Variants in ADAM10 observed in about 807,000 individuals in gnomAD.
ADAM10 encodes the protein disintegrin and metalloproteinase domain-containing protein 10.
ADAM10 carries 17 observed loss-of-function variants against 90.1 expected under a neutral mutation model. The observed-to-expected ratio is 0.19, with a 90% CI of 0.13 to 0.28. The LOEUF (loss-of-function observed/expected upper bound fraction) is 0.28, where lower values mean the gene tolerates loss of function less well. Among genes scored for constraint, ADAM10 ranks in the 10% least tolerant of loss-of-function variants. The pLI is 1.00. For synonymous variants in ADAM10, 310 were observed against 298.6 expected (o/e 1.04, Z -0.40); for missense variants, 610 against 914.3 (o/e 0.67, Z 4.29).
chr15:58,741,030 C>T (rs1385639070), intron 1 of ADAM10, among the ~76,000 whole-genome samples: 15 of 152,084 alleles, frequency 9.9e-5, no homozygotes, highest in Admixed American at 8.5e-4. Flanking sequence ...CCACTTAATT[C>T]CTAGGAAAAG....
chr15:58,644,374 C>G (rs184888782), intron 6 of ADAM10, among the ~76,000 whole-genome samples: 1 of 151,928 alleles, frequency 6.6e-6, no homozygotes, highest in Non-Finnish European at 1.5e-5. Context: ...GGATTACAGG[C>G]GCCTACCACC....
intron 2 of ADAM10, among the ~76,000 whole-genome samples, chr15:58,716,689 T>C (rs961938155): frequency 1.3e-5 from 2 of 152,196 alleles, no homozygotes; most frequent in South Asian, 4.1e-4. Context: ...AAAAGAAGTA[T>C]TTAGAGAAAA....
At position 58,596,644 on chromosome 15, in the gene ADAM10, T is replaced by C. The variant is rs529010095; in HGVS notation, c.*903A>G. 7.2e-5 allele frequency: 11 copies of C among 152,614 alleles called. No individual in the cohort carries two copies. The highest frequency in any genetic ancestry group is 2.6e-4 in the African/African-American group (11 of 41,588). The allele number at this position is 152,614 out of a possible 1,614,324, so 9.5% of individuals were successfully genotyped here. A position where few individuals can be genotyped will look rare whatever the true frequency, so the allele number is the denominator to read the frequency against. ...AGAATCATTTCATTGACATAATTTC[T>C]ATCAAAGCATGAATAAAATTTCACC... On this transcript the variant is annotated 3_prime_UTR_variant, in exon 16 of 16. Transcript: ENST00000260408.
chr15:58,706,348 C>T (rs1898288152), intron 2 of ADAM10, among the ~76,000 whole-genome samples: 1 of 152,092 alleles, frequency 6.6e-6, no homozygotes, highest in Non-Finnish European at 1.5e-5. Context: ...CTATGACAGG[C>T]CTGGGTTAGT....
At chr15:58,744,514 T>G in intron 1 of ADAM10, among the ~76,000 whole-genome samples, 1 of 152,142 alleles carries the variant, frequency 6.6e-6, no homozygotes, top group Non-Finnish European at 1.5e-5. Flanking sequence ...TCATCTAGAA[T>G]AAATTTAGAA....
intron 8 of ADAM10, among the ~76,000 whole-genome samples, chr15:58,640,471 T>A (rs1020375921): frequency 6.6e-6 from 1 of 152,196 alleles, no homozygotes; most frequent in Non-Finnish European, 1.5e-5. Flanking sequence ...TATTAACTTT[T>A]GTGGAAAAAT....
At position 58,590,106 on chromosome 15, in the gene ADAM10, CCAT is replaced by C. The variant is rs1216685068; in HGVS notation, c.*7438_*7440del. 5.9e-5 allele frequency: 9 copies of C among 152,174 alleles called. No homozygotes were observed. Among genetic ancestry groups the C allele is most frequent in the Non-Finnish European group, 1.2e-4 (8 of 68,038 alleles). 9.4% of individuals were successfully genotyped at this position (152,174 alleles called of 1,614,324 possible). On this transcript the variant is annotated 3_prime_UTR_variant, in exon 16 of 16. Coordinates refer to ENST00000260408, the MANE Select transcript of ADAM10 (RefSeq NM_001110.4). ...TGTAATCTATTTAAACTCTCTTCAT[CCAT>C]CATATTTTGACTCAAGCATCACTTT...
At chr15:58,692,468 T>A (rs761412208) in intron 2 of ADAM10, 2 of 525,682 alleles carry the variant, frequency 3.8e-6, no homozygotes, top group Admixed American at 4.4e-5. Flanking sequence ...GTCTTGGGCT[T>A]TTCTTTATCA....
At chr15:58,679,044 A>T in intron 4 of ADAM10, 80 bp downstream of exon 4, 1 of 1,353,352 alleles carries the variant, frequency 7.4e-7, no homozygotes, top group Non-Finnish European at 1.0e-6. Flanking sequence ...GAAAACAGCT[A>T]ATGCTTCATT....
chr15:58,734,289 C>T (rs1163206704), intron 1 of ADAM10, among the ~76,000 whole-genome samples: 1 of 151,960 alleles, frequency 6.6e-6, no homozygotes, highest in Non-Finnish European at 1.5e-5. Context: ...TTCATTTAAA[C>T]CACCCAATCA....
chr15:58,665,517 A>G (rs1438805459), intron 4 of ADAM10, among the ~76,000 whole-genome samples: 1 of 152,020 alleles, frequency 6.6e-6, no homozygotes, highest in Non-Finnish European at 1.5e-5. Flanking sequence ...GAGAATATCT[A>G]TGTTTCTGGA....
intron 2 of ADAM10, among the ~76,000 whole-genome samples, chr15:58,716,007 T>G (rs1898647056): frequency 2.0e-5 from 3 of 152,186 alleles, no homozygotes; most frequent in Non-Finnish European, 2.9e-5. Context: ...AGTACATAAA[T>G]ACACTAAAAT....
At chr15:58,737,198 A>T (rs1448924738) in intron 1 of ADAM10, among the ~76,000 whole-genome samples, 1 of 152,172 alleles carries the variant, frequency 6.6e-6, no homozygotes, top group African/African-American at 2.4e-5. Flanking sequence ...TCCTAATCAC[A>T]GAAGTGCATT....
intron 14 of ADAM10, among the ~76,000 whole-genome samples, chr15:58,604,394 C>G (rs138480842): frequency 1.3e-5 from 2 of 152,056 alleles, no homozygotes; most frequent in South Asian, 4.1e-4. Context: ...TTAGCTCTGG[C>G]GTTATCTCCT....
At chr15:58,640,750 T>G (rs749925099) in intron 8 of ADAM10, 27 bp downstream of exon 8, 1 of 1,606,004 alleles carries the variant, frequency 6.2e-7, no homozygotes, top group East Asian at 2.2e-5. Flanking sequence ...AGTAGTAAGT[T>G]AAGACATATT....
chr15:58,673,388 C>CAA (rs35784381), intron 4 of ADAM10, among the ~76,000 whole-genome samples: 45 of 79,266 alleles, frequency 5.7e-4, no homozygotes, highest in African/African-American at 1.4e-3. Context: ...CTGTAATTGC[C>CAA]AAAAAAAAAA....
chr15:58,691,080 A>G (rs776015794), intron 2 of ADAM10: 7 of 635,038 alleles, frequency 1.1e-5, no homozygotes, highest in South Asian at 8.4e-5. Context: ...CTGCGCTTTC[A>G]TGATCCACTT....
rs1595989546 is a variant in ADAM10, at chr15:58,612,091, A to G, written c.1512-100T>C. ...ATCCACATTATTAGACATAGTACCA[A>G]TTTTTAAATCCTAAGTCTCATCACT... On this transcript the variant is annotated intron_variant, in intron 11 of 15. Coordinates refer to ENST00000260408, the MANE Select transcript of ADAM10 (RefSeq NM_001110.4). The G allele has an allele frequency of 5.0e-5, 60 of 1,190,552 alleles. No homozygotes were observed. The East Asian group carries it at 1.4e-3, about 28-fold the overall frequency. The allele number at this position is 1,190,552 out of a possible 1,614,324, so 73.7% of individuals were successfully genotyped here.
intron 4 of ADAM10, among the ~76,000 whole-genome samples, chr15:58,670,812 ATTTTTAC>A (rs1897174656): frequency 2.0e-5 from 3 of 152,112 alleles, no homozygotes. Context: ...AAATATTTTT[ATTTTTAC>A]TTTTTATTTG....
Sources: gnomAD v4.1 joint callset for allele counts (sites outside exome capture counted in the v4.1 genomes callset) on GRCh38, gnomAD v4.1.1 for gene constraint, MANE v1.5 for transcripts, NCBI Gene and HGNC (gene_info 2026-07-23, HGNC 2026-07-21) for gene names.